Variants in CABCOCO1 observed in about 807,000 individuals in gnomAD.
CABCOCO1 encodes the protein ciliary associated calcium binding coiled-coil 1, also known as ciliary-associated calcium-binding coiled-coil protein 1.
Under a neutral mutation model 35.7 loss-of-function variants are expected in CABCOCO1, and 28 were observed. The observed-to-expected ratio is 0.78, with a 90% CI of 0.58 to 1.07. CABCOCO1 has a LOEUF of 1.07. Among genes scored for constraint, CABCOCO1 ranks in the 50% least tolerant of loss-of-function variants. The pLI is 0.00. For missense variants in CABCOCO1, 326 were observed against 309.2 expected (o/e 1.05, Z -0.41); for synonymous variants, 95 against 100.1 (o/e 0.95, Z 0.30).
intron 5 of CABCOCO1, among the ~76,000 whole-genome samples, chr10:61,696,769 G>C (rs1185124180): frequency 6.6e-6 from 1 of 151,998 alleles, no homozygotes; most frequent in Admixed American, 6.6e-5. Flanking sequence ...GCCCCCTAAA[G>C]TGCTGGGATT....
intron 2 of CABCOCO1, among the ~76,000 whole-genome samples, chr10:61,677,915 A>G (rs1359316731): frequency 9.5e-5 from 14 of 148,008 alleles, no homozygotes. Context: ...AACAAGGACC[A>G]ATTTATTAGT....
At chr10:61,707,357 A>C (rs1447848599) in intron 5 of CABCOCO1, among the ~76,000 whole-genome samples, 4 of 152,178 alleles carry the variant, frequency 2.6e-5, no homozygotes, top group Non-Finnish European at 5.9e-5. Flanking sequence ...CCATACAGTC[A>C]ATTAGGTTGT....
intron 2 of CABCOCO1, among the ~76,000 whole-genome samples, chr10:61,674,677 C>T (rs1839456683): frequency 6.6e-6 from 1 of 152,138 alleles, no homozygotes; most frequent in African/African-American, 2.4e-5. Context: ...TAGAAGAAAT[C>T]AGCACATTTC....
chr10:61,726,975 T>C (rs1469882127), intron 5 of CABCOCO1, among the ~76,000 whole-genome samples: 1 of 151,602 alleles, frequency 6.6e-6, no homozygotes, highest in African/African-American at 2.4e-5. Flanking sequence ...GGCACAAGAA[T>C]TGCTTGAGCC....
rs1022421150 is a variant in CABCOCO1 at position 61,701,549 on chromosome 10, C to G, written c.552+10928C>G. 6 of 775,006 alleles carry G rather than the reference C, an allele frequency of 7.7e-6. No homozygotes were observed. The African/African-American group carries it at 9.5e-5, about 12-fold the overall frequency. 48.0% of individuals were successfully genotyped at this position (775,006 alleles called of 1,614,324 possible). A position where few individuals can be genotyped will look rare whatever the true frequency, so the allele number is the denominator to read the frequency against. On this transcript the variant is annotated intron_variant, in intron 5 of 7. Coordinates refer to ENST00000648843, the MANE Select transcript of CABCOCO1 (RefSeq NM_001366906.2). ...TTTACTCTGCTATTTATGATATTAT[C>G]TGGCCAATAGATGGCAGGACTTGGG...
chr10:61,693,805 C>T (rs563719521), intron 5 of CABCOCO1, among the ~76,000 whole-genome samples: 1 of 151,812 alleles, frequency 6.6e-6, no homozygotes, highest in South Asian at 2.1e-4. Context: ...AATTAGCAAA[C>T]CAGGGTGTAG....
intron 5 of CABCOCO1, among the ~76,000 whole-genome samples, chr10:61,725,608 G>A (rs1361842195): frequency 1.4e-5 from 2 of 145,422 alleles, no homozygotes; most frequent in African/African-American, 2.6e-5. Context: ...GGGGCCTGTT[G>A]TGGGGTAGGG....
chr10:61,707,195 G>C lies in CABCOCO1; in HGVS notation c.552+16574G>C, dbSNP rs537778767. 4.1e-4 allele frequency among the ~76,000 whole-genome samples: 63 copies of C among 152,230 alleles called. 1 individual carries two copies. Among genetic ancestry groups the C allele is most frequent in the Non-Finnish European group, 6.8e-4 (46 of 68,020 alleles). ...ATGCAACACTGAGGAACATGACCGA[G>C]CATTGACTGTAAGAATAGCCAACAG... On this transcript the variant is annotated intron_variant, in intron 5 of 7. Transcript: ENST00000648843.
At chr10:61,688,040 A>G (rs1840018557) in intron 4 of CABCOCO1, among the ~76,000 whole-genome samples, 1 of 152,118 alleles carries the variant, frequency 6.6e-6, no homozygotes, top group Non-Finnish European at 1.5e-5. Flanking sequence ...CATCAAGAAG[A>G]ATACCTAATA....
intron 5 of CABCOCO1, among the ~76,000 whole-genome samples, chr10:61,747,087 T>C (rs148656530): frequency 2.0e-3 from 312 of 152,306 alleles, no homozygotes; most frequent in African/African-American, 7.2e-3. Flanking sequence ...AAATGTCTTA[T>C]GATCTACCAA....
At chr10:61,684,712 C>G (rs1290335400) in intron 3 of CABCOCO1, among the ~76,000 whole-genome samples, 1 of 152,132 alleles carries the variant, frequency 6.6e-6, no homozygotes, top group Admixed American at 6.5e-5. Flanking sequence ...CTCTCCACCT[C>G]CAGTATCCTC....
At chr10:61,706,780 C>G (rs994557536) in intron 5 of CABCOCO1, among the ~76,000 whole-genome samples, 2 of 152,026 alleles carry the variant, frequency 1.3e-5, no homozygotes, top group African/African-American at 4.8e-5. Context: ...ATTCCCAGCT[C>G]CCTCTCCATT....
At chr10:61,730,311 C>T (rs996714344) in intron 5 of CABCOCO1, among the ~76,000 whole-genome samples, 1 of 152,008 alleles carries the variant, frequency 6.6e-6, no homozygotes, top group Non-Finnish European at 1.5e-5. Context: ...ACAGATCCAG[C>T]TTGAAGGGAC....
chr10:61,699,765 C>A (rs1483502770), intron 5 of CABCOCO1, among the ~76,000 whole-genome samples: 1 of 152,088 alleles, frequency 6.6e-6, no homozygotes, highest in Non-Finnish European at 1.5e-5. Context: ...CTGTCAGCAT[C>A]CACTCTCCTA....
intron 5 of CABCOCO1, among the ~76,000 whole-genome samples, chr10:61,759,009 T>G (rs190682477): frequency 1.8e-3 from 267 of 151,926 alleles, no homozygotes; most frequent in South Asian, 3.7e-3. Context: ...TTTCATTGGG[T>G]TTTTTTTCAG....
chr10:61,737,349 G>A (rs1276399074), intron 5 of CABCOCO1, among the ~76,000 whole-genome samples: 1 of 152,158 alleles, frequency 6.6e-6, no homozygotes, highest in East Asian at 1.9e-4. Context: ...TACACTGTTG[G>A]TGGGAGTGTA....
intron 5 of CABCOCO1, among the ~76,000 whole-genome samples, chr10:61,693,198 A>G (rs16916504): frequency 0.23 from 35,327 of 152,070 alleles, 4,305 homozygotes; most frequent in African/African-American, 0.3. Context: ...CTGGGGCTTC[A>G]AGAATTAGGC....
Position 61,765,936 on chromosome 10 carries a change from C to T in CABCOCO1, c.817-3C>T. On this transcript the variant is annotated splice_polypyrimidine_tract_variant and splice_region_variant and intron_variant, in intron 7 of 7. Transcript: ENST00000648843. Reference sequence around the variant, plus strand: ...ACCACGTTTTTTATGATTGTCTTCACAGACCGAGATAAACGAAAAACTGCA... The same window carrying T: ...ACCACGTTTTTTATGATTGTCTTCATAGACCGAGATAAACGAAAAACTGCA... 6.2e-7 allele frequency: 1 copy of T among 1,611,678 alleles called. No homozygotes were observed.
chr10:61,667,052 A>G (rs1839204340), intron 1 of CABCOCO1, among the ~76,000 whole-genome samples: 1 of 142,454 alleles, frequency 7.0e-6, no homozygotes, highest in Admixed American at 7.3e-5. Flanking sequence ...TAAATTTCAT[A>G]TATTATATAT....
Sources: allele counts gnomAD v4.1 joint callset (sites outside exome capture counted in the v4.1 genomes callset), GRCh38; gene constraint gnomAD v4.1.1; transcripts MANE v1.5; gene names NCBI Gene and HGNC (gene_info 2026-07-23, HGNC 2026-07-21).